GSTA3: variants seen among roughly 807,000 people sequenced by gnomAD.
The protein encoded by GSTA3 is glutathione S-transferase alpha 3, also known as glutathione S-transferase A3.
Under a neutral mutation model 23.1 loss-of-function variants are expected in GSTA3, and 16 were observed. That is an observed-to-expected ratio of 0.69 (90% CI 0.47 to 1.05). The LOEUF is 1.05. GSTA3 is among the 50% of genes least tolerant of loss of function. The probability of loss-of-function intolerance (pLI) is 0.00; values close to 1 mark genes in which losing one functional copy is unlikely to be tolerated. For missense variants in GSTA3, 319 were observed against 263.6 expected, an observed-to-expected ratio of 1.21 and a Z score of -1.46; for synonymous variants, 122 against 91.0, an observed-to-expected ratio of 1.34 and a Z score of -1.94.
intron 2 of GSTA3, among the ~76,000 whole-genome samples, chr6:52,905,400 T>C (rs1765857069): frequency 6.6e-6 from 1 of 152,212 alleles, no homozygotes; most frequent in Admixed American, 6.5e-5. Context: ...TTCTTTAATA[T>C]TATCTAACAT....
intron 4 of GSTA3, 83 bp from the exon 5 acceptor site, chr6:52,900,158 T>C: frequency 1.7e-6 from 2 of 1,208,760 alleles, no homozygotes; most frequent in South Asian, 1.5e-5. Context: ...GAATAGAGGG[T>C]CAGATGGTGG....
intron 2 of GSTA3, among the ~76,000 whole-genome samples, chr6:52,904,294 C>T (rs1462305217): frequency 6.6e-6 from 1 of 152,034 alleles, no homozygotes; most frequent in Non-Finnish European, 1.5e-5. Flanking sequence ...CTGGCCTGCT[C>T]CGTCTTTTAC....
chr6:52,909,123 C>A (rs1482593536), intron 1 of GSTA3, among the ~76,000 whole-genome samples: 1 of 152,180 alleles, frequency 6.6e-6, no homozygotes, highest in Admixed American at 6.5e-5. Flanking sequence ...AAATTTAGAT[C>A]CTGATTGTCA....
At position 52,896,852 on chromosome 6, in the gene GSTA3, G is replaced by A. The variant is rs1339744977; in HGVS notation, c.623C>T (p.Ala208Val). ...LQPGSPRKPP[A>V]DAKALEEARK... ...GGCTTCTTCTAAAGCTTTTGCATCT[G>A]CGGGAGGCTTCCTTGGGCTGCCAGG... The change falls in exon 7 of 7, where the codon GCA (alanine) becomes GTA (valine). Residue 208 changes from alanine to valine, a missense_variant. Ala to Val is a moderately conservative substitution (Grantham distance 64). Coordinates refer to ENST00000211122, the MANE Select transcript of GSTA3 (RefSeq NM_000847.5). 6.2e-7 allele frequency: 1 copy of A among 1,614,082 alleles called. No homozygotes were observed. The highest frequency in any genetic ancestry group is 1.1e-5 in the South Asian group (1 of 91,070).
Position 52,896,789 on chromosome 6 carries a change from C to A in GSTA3, c.*17G>T. ...GAATATTGGTCTTGCATGTTCTTAG[C>A]CTCCATGGCTGCTTTATTAAAACCT... On this transcript the variant is annotated 3_prime_UTR_variant, in exon 7 of 7. Transcript: ENST00000211122. 6.2e-7 allele frequency: 1 copy of A among 1,613,544 alleles called. No homozygotes were observed. The highest frequency in any genetic ancestry group is 8.5e-7 in the Non-Finnish European group (1 of 1,179,688).
intron 4 of GSTA3, among the ~76,000 whole-genome samples, chr6:52,902,086 G>T (rs939199565): frequency 6.6e-6 from 1 of 152,142 alleles, no homozygotes; most frequent in Non-Finnish European, 1.5e-5. Flanking sequence ...TGAGTTCATG[G>T]TTCATCAGTG....
At position 52,902,371 on chromosome 6, in the gene GSTA3, C is replaced by A; in HGVS notation, c.247G>T (p.Gly83Trp). 6.2e-7 allele frequency: 1 copy of A among 1,613,890 alleles called. No individual in the cohort carries two copies. Among genetic ancestry groups the A allele is most frequent in the Non-Finnish European group, 8.5e-7 (1 of 1,179,846 alleles). The change falls in exon 4 of 7, where the codon GGG becomes TGG. Residue 83 changes from glycine (G) to tryptophan (W), a missense_variant. By Grantham distance (184) the Gly-to-Trp change is radical. Transcript: ENST00000211122. ...AGGGCTCTCTCCTTTATGTCTTTCC[C>A]GTAGAGGTTGTATTTGCTGGCAATG... ...NYIASKYNLY[G>W]KDIKERALID...
At position 52,900,062 on chromosome 6, in the gene GSTA3, T is replaced by C. The variant is rs767718763; in HGVS notation, c.286A>G (p.Thr96Ala). 7 of 1,606,006 alleles carry C rather than the reference T, an allele frequency of 4.4e-6. No individual in the cohort carries two copies. The highest frequency in any genetic ancestry group is 2.7e-5 in the African/African-American group (2 of 74,424). ...TCATTCAAATCTGCCATACCTTCTGTATACATATCAATTCTGAAAGACAAA... is the reference window on the plus strand; with the variant it reads ...TCATTCAAATCTGCCATACCTTCTGCATACATATCAATTCTGAAAGACAAA... ...IKERALIDMYTEGMADLNEMI... is the reference protein window; with the variant it reads ...IKERALIDMYAEGMADLNEMI... Residue 96 changes from threonine (T) to alanine (A), a missense_variant, in exon 5 of 7, where the codon ACA becomes GCA. Transcript: ENST00000211122.
intron 1 of GSTA3, among the ~76,000 whole-genome samples, chr6:52,908,220 G>A (rs531021606): frequency 9.3e-5 from 14 of 150,176 alleles, no homozygotes; most frequent in Non-Finnish European, 1.6e-4. Context: ...GTAGCATAGA[G>A]TAATTAAAAA....
At chr6:52,904,621 C>A (rs1164674645) in intron 2 of GSTA3, among the ~76,000 whole-genome samples, 1 of 152,196 alleles carries the variant, frequency 6.6e-6, no homozygotes, top group Non-Finnish European at 1.5e-5. Context: ...TGAAACCCTC[C>A]TTTTCTGCTG....
At chr6:52,902,197 T>C in intron 4 of GSTA3, 149 bp downstream of exon 4, 4 of 867,570 alleles carry the variant, frequency 4.6e-6, no homozygotes, top group Non-Finnish European at 1.8e-6. Context: ...CTCATCCCCA[T>C]GGGACTCTGC....
Position 52,903,603 on chromosome 6 carries a change from A to G in GSTA3, c.139+73T>C, listed in dbSNP as rs1765775497. ...CACAGCGAGACTCCGTCAAAAAAAA[A>G]AAAAAATCAATCTTCAGCGGTACCT... On this transcript the variant is annotated intron_variant, in intron 3 of 6. Transcript: ENST00000211122. 7 of 858,142 alleles carry G rather than the reference A, an allele frequency of 8.2e-6. No individual in the cohort carries two copies. The African/African-American group carries it at 8.7e-5, about 11-fold the overall frequency. The allele number at this position is 858,142 out of a possible 1,614,324, so 53.2% of individuals were successfully genotyped here. A position where few individuals can be genotyped will look rare whatever the true frequency, so the allele number is the denominator to read the frequency against.
intron 2 of GSTA3, among the ~76,000 whole-genome samples, chr6:52,905,387 T>C (rs535518832): frequency 1.3e-5 from 2 of 152,310 alleles, no homozygotes; most frequent in African/African-American, 4.8e-5. Flanking sequence ...AATTTAACAG[T>C]AATTCTTTAA....
At chr6:52,906,817 A>G (rs1157053136) in intron 1 of GSTA3, among the ~76,000 whole-genome samples, 3 of 151,240 alleles carry the variant, frequency 2.0e-5, no homozygotes, top group East Asian at 3.9e-4. Context: ...TCAATTCAAG[A>G]TGGATTAAAG....
In GSTA3 at chr6:52,902,402, G is replaced by A. The variant is rs1765718396; in HGVS notation, c.216C>T (p.Leu72=). 4 of 1,613,882 alleles carry A rather than the reference G, an allele frequency of 2.5e-6. No homozygotes were observed. In the African/African-American group the frequency reaches 4.0e-5, roughly 16 times the overall value. ...GGTTGTATTTGCTGGCAATGTAGTT[G>A]AGAATGGCTCTGGTCTGTACCAACT... is the stretch of plus-strand genomic sequence containing the variant. ...GMKLVQTRAI[L]NYIASKYNLY... is the part of the protein sequence containing the mutation. Residue 72 remains leucine, a synonymous_variant, in exon 4 of 7, where the codon CTC becomes CTT. Coordinates refer to ENST00000211122, the MANE Select transcript of GSTA3 (RefSeq NM_000847.5).
At chr6:52,899,049 G>A (rs1765573036) in intron 5 of GSTA3, among the ~76,000 whole-genome samples, 1 of 152,098 alleles carries the variant, frequency 6.6e-6, no homozygotes, top group African/African-American at 2.4e-5. Context: ...TTTGGGTAGA[G>A]CAGGTAATCA....
Position 52,902,392 on chromosome 6 carries a change from C to A in GSTA3, c.226G>T (p.Ala76Ser), listed in dbSNP as rs1181248115. The stretch of plus-strand genomic sequence containing the variant: ...TTCCCGTAGAGGTTGTATTTGCTGG[C>A]AATGTAGTTGAGAATGGCTCTGGTC... ...VQTRAILNYI[A>S]SKYNLYGKDI... The change falls in exon 4 of 7, where the codon GCC becomes TCC. Residue 76 changes from alanine (A) to serine (S), a missense_variant. Transcript: ENST00000211122. 9.3e-6 allele frequency: 15 copies of A among 1,613,896 alleles called. No individual in the cohort carries two copies. Among genetic ancestry groups the A allele is most frequent in the Non-Finnish European group, 1.3e-5 (15 of 1,179,918 alleles).
rs375524853 is a variant in GSTA3 at position 52,902,447 on chromosome 6, C to G, written c.171G>C (p.Met57Ile). 6.2e-7 allele frequency: 1 copy of G among 1,612,942 alleles called. No individual in the cohort carries two copies. Among genetic ancestry groups the G allele is most frequent in the African/African-American group, 1.3e-5 (1 of 74,798 alleles). The change falls in exon 4 of 7, where the codon ATG becomes ATC. Residue 57 changes from methionine (M) to isoleucine (I), a missense_variant. Coordinates refer to ENST00000211122, the MANE Select transcript of GSTA3 (RefSeq NM_000847.5). Reference protein sequence around the residue: ...DGSLMFQQVPMVEIDGMKLVQ... With the variant: ...DGSLMFQQVPIVEIDGMKLVQ... ...CCAACTTCATCCCATCAATCTCAAC[C>G]ATTGGTACTTGCTGGAACATCAAAC... is the stretch of plus-strand genomic sequence containing the variant.
intron 4 of GSTA3, among the ~76,000 whole-genome samples, chr6:52,901,062 C>A (rs771645180): frequency 9.9e-5 from 15 of 152,090 alleles, no homozygotes; most frequent in Non-Finnish European, 1.8e-4. Context: ...TTTAGGAAAC[C>A]TTTTTTTCTT....
Sources: allele counts gnomAD v4.1 joint callset (sites outside exome capture counted in the v4.1 genomes callset), GRCh38; gene constraint gnomAD v4.1.1; transcripts MANE v1.5; gene names NCBI Gene and HGNC (gene_info 2026-07-23, HGNC 2026-07-21).